CCDC60: variants seen among roughly 807,000 people sequenced by gnomAD.
The protein encoded by CCDC60 is coiled-coil domain containing 60.
A neutral mutation model predicts 63.5 loss-of-function variants in CCDC60; 54 were observed. The ratio of observed to expected loss-of-function variants is 0.85; its 90% CI spans 0.68 to 1.07. The LOEUF is 1.07. CCDC60 is among the 50% of genes least tolerant of loss of function. CCDC60 has a pLI of 0.00. For synonymous variants in CCDC60, 206 were observed against 238.8 expected (o/e 0.86, Z 1.27); for missense variants, 651 against 684.3 (o/e 0.95, Z 0.54).
intron 1 of CCDC60, among the ~76,000 whole-genome samples, chr12:119,417,039 T>C (rs892251279): frequency 1.3e-5 from 2 of 152,042 alleles, no homozygotes; most frequent in African/African-American, 4.8e-5. Flanking sequence ...GAGAATTGCT[T>C]AAACCTGGAG....
chr12:119,404,475 G>T (rs987052657), intron 1 of CCDC60, among the ~76,000 whole-genome samples: 3 of 152,164 alleles, frequency 2.0e-5, no homozygotes, highest in Non-Finnish European at 4.4e-5. Flanking sequence ...CTGAGAGGGA[G>T]TTTGGGGGTG....
chr12:119,445,938 G>A (rs1222556217), intron 2 of CCDC60, among the ~76,000 whole-genome samples: 1 of 152,030 alleles, frequency 6.6e-6, no homozygotes, highest in Admixed American at 6.6e-5. Flanking sequence ...GGGGACGGGG[G>A]GTGAGGGACA....
At chr12:119,522,810 T>G in intron 9 of CCDC60, 129 bp from the exon 10 acceptor site, 1 of 807,834 alleles carries the variant, frequency 1.2e-6, no homozygotes, top group Middle Eastern at 2.3e-4. Context: ...GTTCTGTGAC[T>G]GGTGCCTTGA....
chr12:119,358,565 CA>C (rs1267848740), intron 1 of CCDC60, among the ~76,000 whole-genome samples: 2 of 152,146 alleles, frequency 1.3e-5, no homozygotes, highest in Admixed American at 1.3e-4. Flanking sequence ...AACCAGAACC[CA>C]AAAAACCCCC....
intron 1 of CCDC60, among the ~76,000 whole-genome samples, chr12:119,390,083 C>G (rs1223557684): frequency 6.6e-6 from 1 of 152,130 alleles, no homozygotes; most frequent in Non-Finnish European, 1.5e-5. Flanking sequence ...AGGAAGGGCT[C>G]CTAACATCTC....
At chr12:119,502,892 G>C (rs926258696) in intron 6 of CCDC60, among the ~76,000 whole-genome samples, 28 of 152,140 alleles carry the variant, frequency 1.8e-4, no homozygotes, top group Non-Finnish European at 5.9e-5. Flanking sequence ...GATTTTACTA[G>C]GCACAGTGGT....
intron 2 of CCDC60, among the ~76,000 whole-genome samples, chr12:119,458,870 C>T (rs1415672949): frequency 6.6e-6 from 1 of 152,092 alleles, no homozygotes; most frequent in African/African-American, 2.4e-5. Context: ...CCTCAGCCCC[C>T]CGAGTAGCTG....
intron 1 of CCDC60, among the ~76,000 whole-genome samples, chr12:119,366,981 C>T (rs941333735): frequency 6.6e-6 from 1 of 152,060 alleles, no homozygotes; most frequent in Admixed American, 6.6e-5. Flanking sequence ...TACAGGCACC[C>T]GCCACCATGC....
intron 1 of CCDC60, among the ~76,000 whole-genome samples, chr12:119,392,001 G>A (rs1306438464): frequency 6.6e-6 from 1 of 152,140 alleles, no homozygotes; most frequent in Non-Finnish European, 1.5e-5. Flanking sequence ...CCAGGAGAGG[G>A]CTCTGGAAGT....
At chr12:119,344,898 C>CAT (rs1955575055) in intron 1 of CCDC60, among the ~76,000 whole-genome samples, 4 of 119,034 alleles carry the variant, frequency 3.4e-5, no homozygotes, top group Non-Finnish European at 5.6e-5. Context: ...CACACACACA[C>CAT]AATCTCTCCT....
intron 8 of CCDC60, among the ~76,000 whole-genome samples, chr12:119,519,791 CAG>C (rs1952465101): frequency 6.6e-6 from 1 of 151,138 alleles, no homozygotes; most frequent in Admixed American, 6.6e-5. Context: ...ACAAGCACTT[CAG>C]GTGGGCATTA....
intron 2 of CCDC60, among the ~76,000 whole-genome samples, chr12:119,433,147 G>C (rs551437556): frequency 1.4e-5 from 1 of 73,138 alleles, no homozygotes; most frequent in African/African-American, 5.2e-5. Context: ...TCAGGGCTCA[G>C]TTCCCCCGAC....
intron 1 of CCDC60, among the ~76,000 whole-genome samples, chr12:119,393,339 G>A (rs1220752050): frequency 6.6e-6 from 1 of 152,182 alleles, no homozygotes; most frequent in Non-Finnish European, 1.5e-5. Context: ...GGAGGAGGGG[G>A]AAAATGCATT....
intron 4 of CCDC60, among the ~76,000 whole-genome samples, chr12:119,485,139 ACT>A (rs1263954969): frequency 6.6e-6 from 1 of 152,224 alleles, no homozygotes; most frequent in Non-Finnish European, 1.5e-5. Flanking sequence ...CCTCACCCTC[ACT>A]CTCGCCTTTT....
intron 1 of CCDC60, among the ~76,000 whole-genome samples, chr12:119,367,682 A>G (rs1012560665): frequency 6.6e-6 from 1 of 152,218 alleles, no homozygotes; most frequent in African/African-American, 2.4e-5. Flanking sequence ...GTGGAATATT[A>G]TTCAGTCATG....
chr12:119,399,356 G>T (rs926653948), intron 1 of CCDC60, among the ~76,000 whole-genome samples: 1 of 152,182 alleles, frequency 6.6e-6, no homozygotes, highest in Non-Finnish European at 1.5e-5. Flanking sequence ...TCTTCTCACT[G>T]CCAAGGTTTC....
intron 2 of CCDC60, among the ~76,000 whole-genome samples, chr12:119,462,209 A>G (rs569074348): frequency 6.6e-6 from 1 of 152,292 alleles, no homozygotes; most frequent in Non-Finnish European, 1.5e-5. Context: ...TTATCACTCT[A>G]TTTGTATCTA....
intron 2 of CCDC60, among the ~76,000 whole-genome samples, chr12:119,452,486 T>C (rs1217528358): frequency 6.6e-6 from 1 of 152,146 alleles, no homozygotes. Context: ...CTGGGTACCT[T>C]TGCATTGATC....
At chr12:119,370,765 T>C (rs984754488) in intron 1 of CCDC60, among the ~76,000 whole-genome samples, 1 of 152,206 alleles carries the variant, frequency 6.6e-6, no homozygotes, top group South Asian at 2.1e-4. Context: ...TAGTGGCTCA[T>C]GCCTGTAATC....
Sources: gnomAD v4.1 joint callset for allele counts (sites outside exome capture counted in the v4.1 genomes callset) on GRCh38, gnomAD v4.1.1 for gene constraint, MANE v1.5 for transcripts, NCBI Gene and HGNC (gene_info 2026-07-23, HGNC 2026-07-21) for gene names.